Variants in ROBO2 observed in about 807,000 individuals in gnomAD.
The protein encoded by ROBO2 is roundabout homolog 2.
A neutral mutation model predicts 160.8 loss-of-function variants in ROBO2; 53 were observed. The ratio of observed to expected loss-of-function variants is 0.33; its 90% CI spans 0.26 to 0.41. The LOEUF (loss-of-function observed/expected upper bound fraction) is 0.41, where lower values mean the gene tolerates loss of function less well. ROBO2 is among the 10% of genes least tolerant of loss of function. The pLI is 1.00. For synonymous variants in ROBO2, 664 were observed against 611.7 expected (o/e 1.09, Z -1.26); for missense variants, 1,577 against 1,722.4 (o/e 0.92, Z 1.49).
intron 2 of ROBO2, among the ~76,000 whole-genome samples, chr3:76,531,180 A>G (rs1223767371): frequency 6.6e-6 from 1 of 152,232 alleles, no homozygotes; most frequent in African/African-American, 2.4e-5. Context: ...AGACATTATA[A>G]AAGTAATGAA....
chr3:76,947,713 T>C (rs771401183), intron 2 of ROBO2, among the ~76,000 whole-genome samples: 1 of 151,684 alleles, frequency 6.6e-6, no homozygotes, highest in Non-Finnish European at 1.5e-5. Flanking sequence ...ATGGGACTGG[T>C]TTTTTTCTTA....
intron 2 of ROBO2, among the ~76,000 whole-genome samples, chr3:76,810,199 G>A (rs1443947125): frequency 6.6e-6 from 1 of 151,972 alleles, no homozygotes; most frequent in Non-Finnish European, 1.5e-5. Context: ...ATATTGGAGG[G>A]CAGAGAAATG....
At chr3:76,535,836 C>G (rs1467508622) in intron 2 of ROBO2, among the ~76,000 whole-genome samples, 1 of 152,090 alleles carries the variant, frequency 6.6e-6, no homozygotes, top group Non-Finnish European at 1.5e-5. Flanking sequence ...AGGACTTACC[C>G]TCCACTATAA....
intron 2 of ROBO2, among the ~76,000 whole-genome samples, chr3:76,755,630 A>G (rs893855084): frequency 6.6e-6 from 1 of 151,858 alleles, no homozygotes; most frequent in African/African-American, 2.4e-5. Context: ...CCTCCAATGA[A>G]CTCAACTTCC....
intron 2 of ROBO2, among the ~76,000 whole-genome samples, chr3:77,159,293 T>C (rs1043743801): frequency 2.6e-5 from 4 of 152,178 alleles, no homozygotes; most frequent in Non-Finnish European, 5.9e-5. Flanking sequence ...TTACCCTTTT[T>C]CTTTTAGTTA....
chr3:77,080,614 A>C (rs1010954975), intron 1 of ROBO2, among the ~76,000 whole-genome samples: 1 of 152,150 alleles, frequency 6.6e-6, no homozygotes, highest in Admixed American at 6.5e-5. Context: ...AGTTACTTAC[A>C]GGAGAAAAAA....
intron 2 of ROBO2, among the ~76,000 whole-genome samples, chr3:76,196,397 C>T (rs1255532078): frequency 6.6e-6 from 1 of 151,986 alleles, no homozygotes; most frequent in Non-Finnish European, 1.5e-5. Flanking sequence ...TGAGTGTTTA[C>T]TGGGGGAGAG....
intron 2 of ROBO2, among the ~76,000 whole-genome samples, chr3:76,415,013 C>T (rs533003350): frequency 6.6e-6 from 1 of 152,148 alleles, no homozygotes; most frequent in East Asian, 1.9e-4. Flanking sequence ...ATGATGGGTG[C>T]TGAAGGATTA....
chr3:76,647,448 G>A (rs2091031428), intron 2 of ROBO2, among the ~76,000 whole-genome samples: 1 of 152,290 alleles, frequency 6.6e-6, no homozygotes, highest in East Asian at 1.9e-4. Flanking sequence ...TCACAAAGCC[G>A]GATATGGAAA....
At chr3:77,195,436 A>T (rs1340249969) in intron 2 of ROBO2, among the ~76,000 whole-genome samples, 1 of 152,182 alleles carries the variant, frequency 6.6e-6, no homozygotes, top group Non-Finnish European at 1.5e-5. Context: ...AGGTAAATGC[A>T]CTGATGAGCA....
intron 2 of ROBO2, among the ~76,000 whole-genome samples, chr3:76,442,997 T>C (rs969632867): frequency 1.3e-5 from 2 of 152,076 alleles, no homozygotes; most frequent in African/African-American, 4.8e-5. Flanking sequence ...TTTATTTGGT[T>C]CACAGTTTTG....
chr3:76,386,984 C>T (rs1212057492), intron 2 of ROBO2, among the ~76,000 whole-genome samples: 1 of 152,118 alleles, frequency 6.6e-6, no homozygotes, highest in African/African-American at 2.4e-5. Flanking sequence ...TAACAAAATT[C>T]CACAGGCTGA....
intron 6 of ROBO2, among the ~76,000 whole-genome samples, chr3:77,533,350 G>A (rs1342300265): frequency 1.3e-5 from 2 of 152,112 alleles, no homozygotes; most frequent in Non-Finnish European, 2.9e-5. Context: ...CACACAATGA[G>A]CAATTTAAAA....
intron 4 of ROBO2, among the ~76,000 whole-genome samples, chr3:77,482,170 T>C (rs1445678116): frequency 6.6e-6 from 1 of 152,102 alleles, no homozygotes; most frequent in African/African-American, 2.4e-5. Context: ...GCAGATATTA[T>C]GTGATTTTTT....
intron 2 of ROBO2, among the ~76,000 whole-genome samples, chr3:76,765,541 T>A (rs1670092211): frequency 6.6e-6 from 1 of 151,622 alleles, no homozygotes; most frequent in African/African-American, 2.4e-5. Context: ...CGTTACTTCA[T>A]AAAAGGTCCT....
At chr3:76,098,596 A>G (rs1384545408) in intron 2 of ROBO2, among the ~76,000 whole-genome samples, 2 of 142,178 alleles carry the variant, frequency 1.4e-5, no homozygotes, top group South Asian at 2.4e-4. Flanking sequence ...CCTGTCATCA[A>G]TTTAGAGTTT....
intron 2 of ROBO2, among the ~76,000 whole-genome samples, chr3:76,119,471 TATTATA>T (rs1321619397): frequency 6.6e-6 from 1 of 152,028 alleles, no homozygotes; most frequent in Middle Eastern, 3.4e-3. Flanking sequence ...ATTAATAACA[TATTATA>T]ATTATTTAGT....
chr3:76,256,328 TC>T, intron 2 of ROBO2, among the ~76,000 whole-genome samples: 1 of 94,860 alleles, frequency 1.1e-5, no homozygotes, highest in Admixed American at 1.1e-4. Flanking sequence ...TCTCTCTCTC[TC>T]TCTCTCTCTC....
At chr3:76,876,856 A>G (rs1321606103) in intron 2 of ROBO2, among the ~76,000 whole-genome samples, 2 of 152,214 alleles carry the variant, frequency 1.3e-5, no homozygotes, top group Non-Finnish European at 2.9e-5. Flanking sequence ...CACTGCAATT[A>G]GAAAGTGTTA....
Sources: allele counts gnomAD v4.1 joint callset (sites outside exome capture counted in the v4.1 genomes callset), GRCh38; gene constraint gnomAD v4.1.1; transcripts MANE v1.5; gene names NCBI Gene and HGNC (gene_info 2026-07-23, HGNC 2026-07-21).